The following MDGA2 variants were observed in gnomAD, a reference collection of about 807,000 sequenced individuals.
MDGA2 encodes the protein MAM domain-containing glycosylphosphatidylinositol anchor protein 2.
Under a neutral mutation model 117.8 loss-of-function variants are expected in MDGA2, and 40 were observed. The observed-to-expected ratio is 0.34, with a 90% CI of 0.26 to 0.44. The LOEUF (loss-of-function observed/expected upper bound fraction) is 0.44. Among genes scored for constraint, MDGA2 ranks in the 20% least tolerant of loss-of-function variants. MDGA2 has a pLI of 1.00. For synonymous variants in MDGA2, 452 were observed against 439.0 expected, an observed-to-expected ratio of 1.03 and a Z score of -0.37; for missense variants, 1,123 against 1,250.6, an observed-to-expected ratio of 0.90 and a Z score of 1.54.
At chr14:47,144,726 G>A (rs1448039466) in intron 3 of MDGA2, among the ~76,000 whole-genome samples, 19 of 151,654 alleles carry the variant, frequency 1.3e-4, no homozygotes, top group Non-Finnish European at 5.9e-5. Context: ...AGAGCTTACT[G>A]CAGCCTCAAC....
In MDGA2 at chr14:47,335,733, T is replaced by TA. The variant is rs1248923836; in HGVS notation, c.281-34184_281-34183insT. Reference sequence around the variant, plus strand: ...TACACATACACATGCACACATATATTTTATATATATATATACATACATACA... The same window carrying TA: ...TACACATACACATGCACACATATATTATTATATATATATATACATACATACA... On this transcript the variant is annotated intron_variant, in intron 1 of 16. Coordinates refer to ENST00000399232, the MANE Select transcript of MDGA2 (RefSeq NM_001113498.3). Among the ~76,000 whole-genome samples, 612 of 65,038 alleles carry TA rather than the reference T, an allele frequency of 9.4e-3. 10 individuals carry two copies. The highest frequency in any genetic ancestry group is 0.016 in the African/African-American group (306 of 19,378). The allele number at this position is 65,038 out of a possible 152,430, so 42.7% of individuals were successfully genotyped here. A position where few individuals can be genotyped will look rare whatever the true frequency, so the allele number is the denominator to read the frequency against.
At chr14:47,473,710 A>T (rs1265357028) in intron 1 of MDGA2, among the ~76,000 whole-genome samples, 1 of 152,184 alleles carries the variant, frequency 6.6e-6, no homozygotes, top group East Asian at 1.9e-4. Context: ...AAACAGAACT[A>T]AAGACAAAAA....
chr14:47,138,372 T>C (rs2093737321), intron 4 of MDGA2, among the ~76,000 whole-genome samples: 1 of 152,086 alleles, frequency 6.6e-6, no homozygotes, highest in Non-Finnish European at 1.5e-5. Context: ...TTGATGTAAA[T>C]ATGTTCAGTC....
intron 1 of MDGA2, among the ~76,000 whole-genome samples, chr14:47,378,057 T>C (rs998073848): frequency 1.3e-5 from 2 of 152,156 alleles, no homozygotes; most frequent in African/African-American, 4.8e-5. Flanking sequence ...TCTGCCATGT[T>C]TGCTGTTCTG....
chr14:47,201,391 A>T (rs960288866), intron 3 of MDGA2, among the ~76,000 whole-genome samples: 12 of 152,202 alleles, frequency 7.9e-5, no homozygotes, highest in Non-Finnish European at 1.8e-4. Context: ...AAGACATCCT[A>T]GCTCTGAAAT....
chr14:47,096,070 C>T (rs1475420819), intron 6 of MDGA2, among the ~76,000 whole-genome samples: 1 of 151,906 alleles, frequency 6.6e-6, no homozygotes, highest in Non-Finnish European at 1.5e-5. Flanking sequence ...GAAAACATGC[C>T]TAAATGGTGC....
At chr14:47,072,152 A>C (rs901522968) in intron 6 of MDGA2, among the ~76,000 whole-genome samples, 1 of 143,628 alleles carries the variant, frequency 7.0e-6, no homozygotes, top group Admixed American at 7.5e-5. Context: ...ATGAAAATGT[A>C]TTCATTAATA....
intron 1 of MDGA2, among the ~76,000 whole-genome samples, chr14:47,431,527 T>C (rs966725456): frequency 6.6e-6 from 1 of 152,024 alleles, no homozygotes; most frequent in Non-Finnish European, 1.5e-5. Context: ...GGTATTGTTA[T>C]GATGGAAAAA....
At chr14:47,318,806 G>A (rs1413740415) in intron 1 of MDGA2, among the ~76,000 whole-genome samples, 1 of 141,090 alleles carries the variant, frequency 7.1e-6, no homozygotes, top group Non-Finnish European at 1.5e-5. Flanking sequence ...GGAAAGGGAG[G>A]AAAGAAGGAA....
intron 1 of MDGA2, among the ~76,000 whole-genome samples, chr14:47,545,448 G>C (rs975883443): frequency 6.6e-6 from 1 of 152,164 alleles, no homozygotes; most frequent in African/African-American, 2.4e-5. Flanking sequence ...GATCATGTGA[G>C]AGAGGTAGAA....
chr14:47,154,554 C>G (rs1883292147), intron 3 of MDGA2, among the ~76,000 whole-genome samples: 1 of 152,224 alleles, frequency 6.6e-6, no homozygotes, highest in Non-Finnish European at 1.5e-5. Flanking sequence ...CTCCCACTGC[C>G]TGGCCTCTCC....
At chr14:46,968,136 T>C (rs974976290) in intron 8 of MDGA2, among the ~76,000 whole-genome samples, 1 of 152,190 alleles carries the variant, frequency 6.6e-6, no homozygotes, top group African/African-American at 2.4e-5. Flanking sequence ...CTGGTGCAGC[T>C]GGCCAAGGTG....
rs1419026886 is a variant in MDGA2, at chr14:47,517,374, C to T, written c.280+157143G>A. ...AGATATTAGCATGCCATCATGTGAACACTCATAGCAAAAGTACAAAATGGC... is the reference window on the plus strand; with the variant it reads ...AGATATTAGCATGCCATCATGTGAATACTCATAGCAAAAGTACAAAATGGC... On this transcript the variant is annotated intron_variant, in intron 1 of 16. Transcript: ENST00000399232. Among the ~76,000 whole-genome samples the T allele has an allele frequency of 2.0e-5, 3 of 152,024 alleles. No homozygotes were observed. The East Asian group carries it at 5.8e-4, about 29-fold the overall frequency.
chr14:47,473,451 C>T (rs961318949), intron 1 of MDGA2, among the ~76,000 whole-genome samples: 1 of 152,042 alleles, frequency 6.6e-6, no homozygotes, highest in African/African-American at 2.4e-5. Flanking sequence ...GAGAGCAAGG[C>T]TTTTCGTGTT....
intron 1 of MDGA2, among the ~76,000 whole-genome samples, chr14:47,506,793 T>C (rs1300539326): frequency 6.6e-6 from 1 of 152,074 alleles, no homozygotes; most frequent in Non-Finnish European, 1.5e-5. Flanking sequence ...GGCGGGAGGA[T>C]CATTTGAGGT....
At chr14:47,109,022 G>A (rs1280355366) in intron 5 of MDGA2, among the ~76,000 whole-genome samples, 2 of 152,146 alleles carry the variant, frequency 1.3e-5, no homozygotes, top group Admixed American at 6.5e-5. Context: ...TCCAACAGGT[G>A]AGGTCCTGGC....
chr14:47,450,167 T>C (rs966311201), intron 1 of MDGA2, among the ~76,000 whole-genome samples: 5 of 152,078 alleles, frequency 3.3e-5, no homozygotes, highest in African/African-American at 9.7e-5. Flanking sequence ...GCTTTTTATA[T>C]GGTAAATGGA....
intron 1 of MDGA2, among the ~76,000 whole-genome samples, chr14:47,627,832 C>G (rs1230068281): frequency 2.6e-5 from 4 of 152,190 alleles, no homozygotes; most frequent in Admixed American, 2.0e-4. Flanking sequence ...AGCTCTAACA[C>G]TCACTGTGAA....
intron 8 of MDGA2, among the ~76,000 whole-genome samples, chr14:46,974,729 A>G (rs1886392081): frequency 6.6e-6 from 1 of 152,184 alleles, no homozygotes; most frequent in Non-Finnish European, 1.5e-5. Flanking sequence ...AATGGGTCAA[A>G]GGCCTAAATG....
Sources: gnomAD v4.1 joint callset for allele counts (sites outside exome capture counted in the v4.1 genomes callset) on GRCh38, gnomAD v4.1.1 for gene constraint, MANE v1.5 for transcripts, NCBI Gene and HGNC (gene_info 2026-07-23, HGNC 2026-07-21) for gene names.